SRPK2: variants seen among roughly 807,000 people sequenced by gnomAD.
SRPK2 encodes SRSF protein kinase 2, also known as SFRS protein kinase 2.
SRPK2 carries 21 observed loss-of-function variants against 90.8 expected under a neutral mutation model. The observed-to-expected ratio is 0.23, with a 90% CI of 0.16 to 0.33. The LOEUF is 0.33. SRPK2 is among the 10% of genes least tolerant of loss of function. The probability of loss-of-function intolerance (pLI) is 1.00; values close to 1 mark genes in which losing one functional copy is unlikely to be tolerated. For synonymous variants in SRPK2, 288 were observed against 311.1 expected (o/e 0.93, Z 0.78); for missense variants, 620 against 869.0 (o/e 0.71, Z 3.60).
At chr7:105,279,869 A>T (rs1451888180) in intron 2 of SRPK2, among the ~76,000 whole-genome samples, 1 of 152,174 alleles carries the variant, frequency 6.6e-6, no homozygotes. Context: ...GATAACTGTG[A>T]GCTGTTACCA....
chr7:105,124,305 T>C (rs993336947), intron 15 of SRPK2, among the ~76,000 whole-genome samples: 7 of 152,186 alleles, frequency 4.6e-5, no homozygotes, highest in Admixed American at 6.5e-5. Flanking sequence ...GTGCACAGTA[T>C]GGAGTCCTCG....
intron 2 of SRPK2, among the ~76,000 whole-genome samples, chr7:105,328,519 G>A (rs1324002827): frequency 8.0e-6 from 1 of 124,262 alleles, no homozygotes; most frequent in Non-Finnish European, 1.7e-5. Context: ...GCTGCGATCA[G>A]GCCACTGACT....
At chr7:105,343,321 CTA>C (rs1816044474) in intron 2 of SRPK2, among the ~76,000 whole-genome samples, 6 of 152,060 alleles carry the variant, frequency 3.9e-5, no homozygotes, top group Admixed American at 2.6e-4. Flanking sequence ...GTAGTCCCAG[CTA>C]TACAGGAAGC....
At chr7:105,170,195 A>G (rs142401141) in intron 3 of SRPK2, among the ~76,000 whole-genome samples, 1 of 152,286 alleles carries the variant, frequency 6.6e-6, no homozygotes, top group East Asian at 1.9e-4. Context: ...TCTCCTAAAC[A>G]AGTTAAATTC....
At chr7:105,247,531 A>AACACAC (rs59040708) in intron 2 of SRPK2, among the ~76,000 whole-genome samples, 5,758 of 145,226 alleles carry the variant, frequency 0.04, 187 homozygotes, top group East Asian at 0.16. Flanking sequence ...CACACACATA[A>AACACAC]ACACACACAC....
chr7:105,272,240 T>C (rs755909331), intron 2 of SRPK2, among the ~76,000 whole-genome samples: 7 of 152,320 alleles, frequency 4.6e-5, no homozygotes, highest in Non-Finnish European at 8.8e-5. Flanking sequence ...ACCTGATTAT[T>C]TAACAGTTGT....
At position 105,345,161 on chromosome 7, in the gene SRPK2, A is replaced by G. The variant is rs188497491; in HGVS notation, c.71+43487T>C. Among the ~76,000 whole-genome samples the G allele has an allele frequency of 3.4e-3, 395 of 116,942 alleles. 10 individuals carry two copies. The East Asian group carries it at 0.072, about 21-fold the overall frequency. The allele number at this position is 116,942 out of a possible 152,430, so 76.7% of individuals were successfully genotyped here. ...AGGACAGGAGAGGAGGGGAGAGGGC[A>G]GGGGAAGGCAAGGGAGGAGAGGAGA... On this transcript the variant is annotated intron_variant, in intron 2 of 15. Transcript: ENST00000393651.
chr7:105,223,037 G>C (rs1180222220), intron 2 of SRPK2, among the ~76,000 whole-genome samples: 1 of 152,160 alleles, frequency 6.6e-6, no homozygotes. Flanking sequence ...TACTCTTTGT[G>C]AAAAATAAGA....
At chr7:105,204,392 G>T (rs925904406) in intron 2 of SRPK2, among the ~76,000 whole-genome samples, 1 of 151,626 alleles carries the variant, frequency 6.6e-6, no homozygotes, top group Non-Finnish European at 1.5e-5. Context: ...TTCTGGAAGC[G>T]GTGTGTGTGT....
At chr7:105,155,120 A>G (rs1417414383) in intron 7 of SRPK2, among the ~76,000 whole-genome samples, 2 of 152,120 alleles carry the variant, frequency 1.3e-5, no homozygotes, top group Non-Finnish European at 2.9e-5. Flanking sequence ...AGCTGGAACT[A>G]TATGTATGTG....
chr7:105,386,962 C>T (rs1821688582), intron 2 of SRPK2, among the ~76,000 whole-genome samples: 1 of 152,258 alleles, frequency 6.6e-6, no homozygotes, highest in South Asian at 2.1e-4. Flanking sequence ...TTCACTAAGT[C>T]TTCATCAACA....
chr7:105,172,105 G>C (rs1791234516), intron 3 of SRPK2, among the ~76,000 whole-genome samples: 1 of 152,116 alleles, frequency 6.6e-6, no homozygotes, highest in Admixed American at 6.6e-5. Flanking sequence ...TGTTGGTCAG[G>C]CTGGTCTCTA....
intron 3 of SRPK2, among the ~76,000 whole-genome samples, chr7:105,196,005 C>T (rs745673425): frequency 7.9e-5 from 12 of 152,194 alleles, no homozygotes; most frequent in South Asian, 2.1e-4. Context: ...TAAAGTACAA[C>T]GTTTTGCACA....
At chr7:105,395,414 G>A (rs780302169) in intron 1 of SRPK2, among the ~76,000 whole-genome samples, 15 of 151,584 alleles carry the variant, frequency 9.9e-5, no homozygotes, top group Admixed American at 3.9e-4. Flanking sequence ...AGGCCTCACC[G>A]AGAAGGTAAC....
intron 2 of SRPK2, among the ~76,000 whole-genome samples, chr7:105,247,555 C>CACACACACAA (rs1554478387): frequency 6.9e-6 from 1 of 144,694 alleles, no homozygotes; most frequent in Non-Finnish European, 1.5e-5. Context: ...CACACACACA[C>CACACACACAA]ACACACAGAA....
intron 2 of SRPK2, among the ~76,000 whole-genome samples, chr7:105,295,149 C>T (rs2385555): frequency 0.99 from 150,392 of 151,510 alleles, 74,645 homozygotes; most frequent in East Asian, 1. Context: ...GAGGCAGAGG[C>T]TGCGGTGAGC....
intron 2 of SRPK2, chr7:105,301,686 C>A (rs935878889): frequency 1.2e-6 from 2 of 1,611,276 alleles, no homozygotes; most frequent in African/African-American, 2.7e-5. Context: ...AAACATATCC[C>A]CAAACACCTC....
intron 2 of SRPK2, among the ~76,000 whole-genome samples, chr7:105,360,962 C>T (rs1289697664): frequency 6.6e-6 from 1 of 152,112 alleles, no homozygotes; most frequent in East Asian, 1.9e-4. Flanking sequence ...CAACACGTTG[C>T]TGGAAGTTCT....
chr7:105,335,543 A>T (rs898232115), intron 2 of SRPK2, among the ~76,000 whole-genome samples: 1 of 151,730 alleles, frequency 6.6e-6, no homozygotes, highest in African/African-American at 2.4e-5. Flanking sequence ...TCTAGTTCCA[A>T]CTACTGGAGA....
Sources: allele counts gnomAD v4.1 joint callset (sites outside exome capture counted in the v4.1 genomes callset), GRCh38; gene constraint gnomAD v4.1.1; transcripts MANE v1.5; gene names NCBI Gene and HGNC (gene_info 2026-07-23, HGNC 2026-07-21).